The following PGAM5 variants were observed in gnomAD, a reference collection of about 807,000 sequenced individuals.
PGAM5 encodes PGAM family member 5, mitochondrial serine/threonine protein phosphatase.
Under a neutral mutation model 30.6 loss-of-function variants are expected in PGAM5, and 25 were observed. The observed-to-expected ratio is 0.82, with a 90% confidence interval of 0.60 to 1.14. The LOEUF (loss-of-function observed/expected upper bound fraction) is 1.14, where lower values mean the gene tolerates loss of function less well. PGAM5 is among the 50% of genes most tolerant of loss of function. The pLI is 0.00. For synonymous variants in PGAM5, 201 were observed against 179.1 expected, an observed-to-expected ratio of 1.12 and a Z score of -0.98; for missense variants, 384 against 408.5, an observed-to-expected ratio of 0.94 and a Z score of 0.52.
intron 2 of PGAM5, among the ~76,000 whole-genome samples, 160 bp from the exon 3 acceptor site, chr12:132,717,279 C>T (rs2043587855): frequency 8.0e-6 from 1 of 125,002 alleles, no homozygotes; most frequent in Non-Finnish European, 1.6e-5. Flanking sequence ...AGCTTGCTGC[C>T]TGATCAGGGG....
At chr12:132,714,694 A>T in intron 1 of PGAM5, 164 bp from the exon 2 acceptor site, 1 of 681,714 alleles carries the variant, frequency 1.5e-6, no homozygotes, top group Non-Finnish European at 2.4e-6. Context: ...TGGGAGGGAG[A>T]GTGGCGGTAT....
chr12:132,712,263 T>C (rs2043530872), intron 1 of PGAM5, among the ~76,000 whole-genome samples: 1 of 152,190 alleles, frequency 6.6e-6, no homozygotes, highest in Admixed American at 6.6e-5. Context: ...TGTTCTGTTC[T>C]AGGGTCCCAC....
chr12:132,720,269 C>G (rs12366462), intron 5 of PGAM5, among the ~76,000 whole-genome samples: 1 of 149,722 alleles, frequency 6.7e-6, no homozygotes, highest in Non-Finnish European at 1.5e-5. Flanking sequence ...ACAGCCTGGC[C>G]CAGCCTCTTT....
rs979059198 is a variant in PGAM5 at position 132,714,969 on chromosome 12, C to T, written c.303C>T (p.Phe101=). The change falls in exon 2 of 6, where the codon TTC becomes TTT. Residue 101 remains phenylalanine (F), a synonymous_variant. Transcript: ENST00000498926. ...HYKAKATRHI[F]LIRHSQYHVD... ...AAGCCAAGGCCACGCGGCACATCTT[C>T]CTCATCAGGCATTCCCAGTACCACG... 6.2e-7 allele frequency: 1 copy of T among 1,613,414 alleles called. No individual in the cohort carries two copies. Among genetic ancestry groups the T allele is most frequent in the Non-Finnish European group, 8.5e-7 (1 of 1,180,016 alleles).
intron 2 of PGAM5, among the ~76,000 whole-genome samples, chr12:132,715,347 G>A (rs544861952): frequency 2.0e-5 from 3 of 151,772 alleles, no homozygotes; most frequent in Non-Finnish European, 1.5e-5. Context: ...GAGGCAGGTG[G>A]ATTACCTGAG....
At chr12:132,714,163 G>A (rs567153409) in intron 1 of PGAM5, among the ~76,000 whole-genome samples, 3 of 152,080 alleles carry the variant, frequency 2.0e-5, no homozygotes, top group Admixed American at 6.6e-5. Flanking sequence ...GATCACAGGC[G>A]TGTGCCACCA....
chr12:132,718,766 C>T, intron 5 of PGAM5: 1 of 1,613,546 alleles, frequency 6.2e-7, no homozygotes, highest in African/African-American at 1.3e-5. Context: ...TGGCAGCATC[C>T]CGCCGCTGTT....
At chr12:132,717,347 TGGA>T (rs1180268643) in intron 2 of PGAM5, 89 bp from the exon 3 acceptor site, 148 of 1,021,824 alleles carry the variant, frequency 1.4e-4, no homozygotes, top group Admixed American at 2.2e-4. Flanking sequence ...TGTTTGAGGG[TGGA>T]GGAGGGCGTG....
intron 2 of PGAM5, 106 bp downstream of exon 2, chr12:132,715,142 C>T (rs2043562504): frequency 2.4e-6 from 3 of 1,225,050 alleles, no homozygotes; most frequent in African/African-American, 1.5e-5. Context: ...TCCGCCGACC[C>T]CCTTGGTCAG....
intron 1 of PGAM5, 120 bp from the exon 2 acceptor site, chr12:132,714,738 G>T: frequency 8.7e-7 from 1 of 1,152,386 alleles, no homozygotes; most frequent in Non-Finnish European, 1.2e-6. Context: ...TGTGCCAAGG[G>T]CCTTGTCTTC....
In PGAM5 at chr12:132,719,738, G is replaced by A. The variant is rs560147178; in HGVS notation, c.720-940G>A. Reference sequence around the variant, plus strand: ...TGGCTGTGCTGTTCCGGCCGGTGCCGCCAGGCAGCCCTGAGGAGGCTCGGG... The same window carrying A: ...TGGCTGTGCTGTTCCGGCCGGTGCCACCAGGCAGCCCTGAGGAGGCTCGGG... On this transcript the variant is annotated intron_variant, in intron 5 of 5. Transcript: ENST00000498926. 9.2e-5 allele frequency among the ~76,000 whole-genome samples: 14 copies of A among 152,354 alleles called. No homozygotes were observed. In the East Asian group the frequency reaches 9.6e-4, roughly 10 times the overall value.
chr12:132,713,665 C>T (rs2043544323), intron 1 of PGAM5, among the ~76,000 whole-genome samples: 1 of 152,128 alleles, frequency 6.6e-6, no homozygotes, highest in African/African-American at 2.4e-5. Context: ...AGCTCTGCCG[C>T]GTTGAACTTT....
At chr12:132,712,102 T>A (rs1200466277) in intron 1 of PGAM5, among the ~76,000 whole-genome samples, 2 of 152,198 alleles carry the variant, frequency 1.3e-5, no homozygotes, top group African/African-American at 4.8e-5. Context: ...TTATTTCCTC[T>A]ATTATTAGCA....
At chr12:132,713,508 T>G (rs1216376151) in intron 1 of PGAM5, among the ~76,000 whole-genome samples, 1 of 152,152 alleles carries the variant, frequency 6.6e-6, no homozygotes, top group African/African-American at 2.4e-5. Flanking sequence ...TACCTGCCAA[T>G]TTGAGTCTTG....
intron 5 of PGAM5, 117 bp from the exon 6 acceptor site, chr12:132,720,561 C>T: frequency 4.6e-6 from 5 of 1,076,356 alleles, no homozygotes; most frequent in Non-Finnish European, 6.5e-6. Context: ...CCCGCCTGGC[C>T]TCCCAAAGTG....
rs2043588765 is a variant in PGAM5, at chr12:132,717,321, C to CGGGCGGAGGAGGGGGTGTTTGT, written c.371-97_371-96insTGGGCGGAGGAGGGGGTGTTTG. On this transcript the variant is annotated intron_variant, in intron 2 of 5. Coordinates refer to ENST00000498926, the MANE Select transcript of PGAM5 (RefSeq NM_001170543.2). ...TTGCGGGCGGAGGAGGGGGTGTTTG[C>CGGGCGGAGGAGGGGGTGTTTGT]GGGCGGAGGAGGGGGTGTTTGAGGG... 3 of 907,408 alleles carry CGGGCGGAGGAGGGGGTGTTTGT rather than the reference C, an allele frequency of 3.3e-6. No homozygotes were observed. In the Admixed American group the frequency reaches 1.3e-4, roughly 40 times the overall value. The allele number at this position is 907,408 out of a possible 1,614,324, so 56.2% of individuals were successfully genotyped here.
At chr12:132,715,337 G>A (rs1452790584) in intron 2 of PGAM5, among the ~76,000 whole-genome samples, 4 of 151,864 alleles carry the variant, frequency 2.6e-5, no homozygotes, top group Non-Finnish European at 5.9e-5. Flanking sequence ...TTGGGAGGCC[G>A]AGGCAGGTGG....
intron 5 of PGAM5, chr12:132,719,193 G>A: frequency 8.5e-7 from 1 of 1,175,614 alleles, no homozygotes; most frequent in Non-Finnish European, 1.1e-6. Context: ...GATCCATTAG[G>A]AAATGTGTGT....
rs1364104725 is a variant in PGAM5, at chr12:132,721,018, A to G, written c.*190A>G. On this transcript the variant is annotated 3_prime_UTR_variant, in exon 6 of 6. Coordinates refer to ENST00000498926, the MANE Select transcript of PGAM5 (RefSeq NM_001170543.2). The stretch of plus-strand genomic sequence containing the variant: ...TCTCTGCAGGGTTTTATACCTGACC[A>G]TGAACCCCCAGGATGGCGTGGGGTT... 7.6e-6 allele frequency: 5 copies of G among 661,006 alleles called. No individual in the cohort carries two copies. Among genetic ancestry groups the G allele is most frequent in the Non-Finnish European group, 1.2e-5 (5 of 411,440 alleles). 40.9% of individuals were successfully genotyped at this position (661,006 alleles called of 1,614,324 possible).
Sources: gnomAD v4.1 joint callset for allele counts (sites outside exome capture counted in the v4.1 genomes callset) on GRCh38, gnomAD v4.1.1 for gene constraint, MANE v1.5 for transcripts, NCBI Gene and HGNC (gene_info 2026-07-23, HGNC 2026-07-21) for gene names.